Variants in ACACA observed in about 807,000 individuals in gnomAD.
ACACA encodes acetyl-CoA carboxylase alpha.
Under a neutral mutation model 296.1 loss-of-function variants are expected in ACACA, and 103 were observed. The observed-to-expected ratio is 0.35, with a 90% CI of 0.30 to 0.41. The LOEUF (loss-of-function observed/expected upper bound fraction) is 0.41. Ranked by LOEUF, ACACA falls within the 10% of genes least tolerant of loss-of-function variation. ACACA has a pLI of 1.00. For missense variants in ACACA, 1,554 were observed against 2,989.7 expected (o/e 0.52, Z 11.20); for synonymous variants, 953 against 1,038.6 (o/e 0.92, Z 1.58).
At chr17:37,397,408 T>A (rs1263054629) in intron 1 of ACACA, among the ~76,000 whole-genome samples, 1 of 152,124 alleles carries the variant, frequency 6.6e-6, no homozygotes. Flanking sequence ...ACTAAAAATA[T>A]TTGTTGATAA....
intron 11 of ACACA, among the ~76,000 whole-genome samples, chr17:37,263,128 ATATTTTGAAGAATC>A (rs2081591380): frequency 6.6e-6 from 1 of 152,204 alleles, no homozygotes; most frequent in African/African-American, 2.4e-5. Flanking sequence ...CACATGAAAT[ATATTTTGAAGAATC>A]TATTTTGATG....
At chr17:37,273,267 T>C (rs1399756533) in intron 9 of ACACA, among the ~76,000 whole-genome samples, 2 of 152,254 alleles carry the variant, frequency 1.3e-5, no homozygotes, top group Non-Finnish European at 2.9e-5. Flanking sequence ...TCTTTCATTA[T>C]CTTTCATTAT....
intron 3 of ACACA, chr17:37,299,387 C>G (rs2083508916): frequency 6.2e-7 from 1 of 1,613,138 alleles, no homozygotes; most frequent in Non-Finnish European, 8.5e-7. Context: ...CTTGTAAACA[C>G]AAGCCGCAGT....
Position 37,270,871 on chromosome 17 carries a change from G to GA in ACACA, c.1009-11dup. On this transcript the variant is annotated splice_polypyrimidine_tract_variant and intron_variant, in intron 9 of 55. Transcript: ENST00000616317. ...CAACTTCCTCAGCTGCCTTCAAAAA[G>GA]AAAGAAAAAAAAAATAGAAGAAACA... The GA allele has an allele frequency of 6.3e-7, 1 of 1,589,572 alleles. No individual in the cohort carries two copies.
chr17:37,205,317 G>A (rs1173939559), intron 33 of ACACA, among the ~76,000 whole-genome samples: 2 of 152,118 alleles, frequency 1.3e-5, no homozygotes, highest in Admixed American at 6.5e-5. Context: ...CCATTTAGAC[G>A]ATGGCGTTTG....
intron 48 of ACACA, among the ~76,000 whole-genome samples, chr17:37,125,072 C>A (rs2074713394): frequency 6.6e-6 from 1 of 152,166 alleles, no homozygotes; most frequent in African/African-American, 2.4e-5. Context: ...ATAGCAAGCA[C>A]TACAGATTAT....
chr17:37,137,991 C>T (rs930492778), intron 45 of ACACA, among the ~76,000 whole-genome samples: 2 of 152,152 alleles, frequency 1.3e-5, no homozygotes, highest in African/African-American at 4.8e-5. Context: ...CTTACCAACA[C>T]TGATTTCTCA....
intron 1 of ACACA, among the ~76,000 whole-genome samples, chr17:37,393,992 C>G (rs1471717967): frequency 6.6e-6 from 1 of 152,082 alleles, no homozygotes; most frequent in Non-Finnish European, 1.5e-5. Context: ...GTCCTATATT[C>G]CCTTCCAGTG....
At chr17:37,112,049 ACTAT>A (rs10531552) in intron 51 of ACACA, among the ~76,000 whole-genome samples, 53,320 of 149,268 alleles carry the variant, frequency 0.36, 10,158 homozygotes, top group East Asian at 0.7. Context: ...CTTCATCAAT[ACTAT>A]CTATCTATCT....
intron 24 of ACACA, among the ~76,000 whole-genome samples, chr17:37,239,896 C>T (rs1217095851): frequency 6.6e-6 from 1 of 152,192 alleles, no homozygotes; most frequent in Non-Finnish European, 1.5e-5. Flanking sequence ...TGTGATGTTT[C>T]ACTGCCATCT....
chr17:37,357,515 C>T (rs1367705103), intron 1 of ACACA, among the ~76,000 whole-genome samples: 1 of 152,058 alleles, frequency 6.6e-6, no homozygotes, highest in Non-Finnish European at 1.5e-5. Context: ...AAAACAACAA[C>T]AACAAAATTC....
chr17:37,275,295 AC>A (rs2082231813), intron 8 of ACACA, among the ~76,000 whole-genome samples: 1 of 152,106 alleles, frequency 6.6e-6, no homozygotes, highest in African/African-American at 2.4e-5. Flanking sequence ...CAGGAGTTCA[AC>A]ACCAGCCTGG....
chr17:37,112,531 G>GA (rs1176523300), intron 51 of ACACA, among the ~76,000 whole-genome samples: 1 of 152,156 alleles, frequency 6.6e-6, no homozygotes. Context: ...GTCTATAGAG[G>GA]AATTGTCTCT....
chr17:37,207,568 G>T, intron 31 of ACACA, 89 bp downstream of exon 31: 1 of 1,501,140 alleles, frequency 6.7e-7, no homozygotes, highest in Non-Finnish European at 9.2e-7. Context: ...CTATTCGGGA[G>T]ACCTTTATTC....
At chr17:37,213,395 G>A (rs2078846526) in intron 29 of ACACA, among the ~76,000 whole-genome samples, 4 of 150,478 alleles carry the variant, frequency 2.7e-5, no homozygotes, top group Admixed American at 2.0e-4. Flanking sequence ...CTTTGATAAG[G>A]CAATCAAGTA....
In ACACA at chr17:37,097,246, A is replaced by C; in HGVS notation, c.6721-80T>G. 6.6e-7 allele frequency: 1 copy of C among 1,518,194 alleles called. No individual in the cohort carries two copies. The highest frequency in any genetic ancestry group is 9.0e-7 in the Non-Finnish European group (1 of 1,116,312). The allele number at this position is 1,518,194 out of a possible 1,614,324, so 94.0% of individuals were successfully genotyped here. A position where few individuals can be genotyped will look rare whatever the true frequency, so the allele number is the denominator to read the frequency against. ...GTCTGGAGGGAAACCCACAGGCATA[A>C]AAACTGATTCTCCAGGCAAGCCCTT... On this transcript the variant is annotated intron_variant, in intron 53 of 55. Transcript: ENST00000616317. This position sits in a 1 kb window ranked among gnomAD's most constrained non-coding sequence, Gnocchi z 4.8.
intron 1 of ACACA, among the ~76,000 whole-genome samples, chr17:37,393,961 C>T (rs906959900): frequency 6.6e-6 from 1 of 152,146 alleles, no homozygotes; most frequent in Non-Finnish European, 1.5e-5. Flanking sequence ...TTCTGACTCC[C>T]TAATCCATTA....
chr17:37,324,712 G>A lies in ACACA; in HGVS notation c.338+5461C>T, dbSNP rs139661992. Among the ~76,000 whole-genome samples, 895 of 146,850 alleles carry A rather than the reference G, an allele frequency of 6.1e-3. 10 individuals carry two copies. Among genetic ancestry groups the A allele is most frequent in the African/African-American group, 0.022 (863 of 39,454 alleles). On this transcript the variant is annotated intron_variant, in intron 3 of 55. Transcript: ENST00000616317. The stretch of plus-strand genomic sequence containing the variant: ...TTGCCAGGCATGGTGGCGCATACCT[G>A]TAGTCCCAGCTACTCGAGAGGCTGA...
intron 14 of ACACA, among the ~76,000 whole-genome samples, chr17:37,256,244 G>T (rs2081223071): frequency 6.6e-6 from 1 of 152,112 alleles, no homozygotes; most frequent in Admixed American, 6.5e-5. Context: ...CCAACAATTT[G>T]CAAGCTCTAG....
Sources: allele counts gnomAD v4.1 joint callset (sites outside exome capture counted in the v4.1 genomes callset), GRCh38; gene constraint gnomAD v4.1.1; non-coding constraint Gnocchi (gnomAD v3.1); transcripts MANE v1.5; gene names NCBI Gene and HGNC (gene_info 2026-07-23, HGNC 2026-07-21).